AOX1: variants seen among roughly 807,000 people sequenced by gnomAD.
AOX1 encodes the protein aldehyde oxidase.
A neutral mutation model predicts 169.5 loss-of-function variants in AOX1; 153 were observed. The observed-to-expected ratio is 0.90, with a 90% confidence interval of 0.79 to 1.03. The LOEUF (loss-of-function observed/expected upper bound fraction) is 1.03. Ranked by LOEUF, AOX1 falls within the 50% of genes least tolerant of loss-of-function variation. AOX1 has a pLI of 0.00. For synonymous variants in AOX1, 562 were observed against 581.9 expected (o/e 0.97, Z 0.49); for missense variants, 1,656 against 1,663.9 (o/e 1.00, Z 0.08).
At chr2:200,645,980 G>A (rs759163628) in intron 25 of AOX1, among the ~76,000 whole-genome samples, 1 of 151,996 alleles carries the variant, frequency 6.6e-6, no homozygotes, top group African/African-American at 2.4e-5. Context: ...TCTTCCTAAC[G>A]GTCTATCAAT....
chr2:200,654,485 A>G lies in AOX1; in HGVS notation c.3076-2357A>G, dbSNP rs559348561. Among the ~76,000 whole-genome samples, 4 of 152,356 alleles carry G rather than the reference A, an allele frequency of 2.6e-5. No individual in the cohort carries two copies. The South Asian group carries it at 6.2e-4, about 24-fold the overall frequency. ...TAAACACTTGTATGCACTGGGAAAC[A>G]ACGAAAATTGTGTGATTTGCTTTAT... On this transcript the variant is annotated intron_variant, in intron 26 of 34. Coordinates refer to ENST00000374700, the MANE Select transcript of AOX1 (RefSeq NM_001159.4).
chr2:200,605,506 A>G, intron 9 of AOX1, 30 bp from the exon 10 acceptor site: 1 of 1,085,530 alleles, frequency 9.2e-7, no homozygotes, highest in Non-Finnish European at 1.3e-6. Flanking sequence ...TTCTAGTCTT[A>G]TTGATTTTTT....
intron 17 of AOX1, 26 bp from the exon 18 acceptor site, chr2:200,621,094 G>A (rs777930286): frequency 2.6e-5 from 42 of 1,597,730 alleles, no homozygotes; most frequent in Non-Finnish European, 3.4e-5. Context: ...GCCACTCTAA[G>A]GAGCTCTGCT....
downstream of AOX1, among the ~76,000 whole-genome samples, chr2:200,674,480 A>G (rs1452010021): frequency 6.6e-6 from 1 of 152,232 alleles, no homozygotes; most frequent in Non-Finnish European, 1.5e-5. Flanking sequence ...ATGAATGGGC[A>G]TATGGAAGTG....
chr2:200,603,318 G>A lies in AOX1; in HGVS notation c.550G>A (p.Gly184Arg). The stretch of plus-strand genomic sequence containing the variant: ...AAATGGGGTTTGCTGTTTGGATCAA[G>A]GAATCAATGGATTGCCAGAATTTGA... ...KENGVCCLDQ[G>R]INGLPEFEEG... The change falls in exon 7 of 35, where the codon GGA becomes AGA. Residue 184 changes from glycine (G) to arginine (R), a missense_variant. Gly to Arg is a moderately radical substitution (Grantham distance 125). Coordinates refer to ENST00000374700, the MANE Select transcript of AOX1 (RefSeq NM_001159.4). 6.2e-7 allele frequency: 1 copy of A among 1,613,952 alleles called. No individual in the cohort carries two copies. The highest frequency in any genetic ancestry group is 8.5e-7 in the Non-Finnish European group (1 of 1,179,924).
intron 20 of AOX1, among the ~76,000 whole-genome samples, chr2:200,633,531 C>G (rs1483150060): frequency 2.0e-5 from 3 of 151,990 alleles, no homozygotes; most frequent in Non-Finnish European, 4.4e-5. Flanking sequence ...TTTCTTAATT[C>G]TAAAATTTCT....
intron 16 of AOX1, among the ~76,000 whole-genome samples, chr2:200,620,216 T>TTTTTA (rs1320730493): frequency 6.6e-6 from 1 of 151,144 alleles, no homozygotes; most frequent in Admixed American, 6.6e-5. Flanking sequence ...TTTTTTTTTT[T>TTTTTA]TTGATGGCGT....
At chr2:200,624,863 A>C (rs996252849) in intron 19 of AOX1, among the ~76,000 whole-genome samples, 1 of 152,180 alleles carries the variant, frequency 6.6e-6, no homozygotes. Flanking sequence ...GACTCAGTCC[A>C]TACAGGCCGC....
At chr2:200,651,728 A>C (rs533820575) in intron 26 of AOX1, among the ~76,000 whole-genome samples, 1 of 152,342 alleles carries the variant, frequency 6.6e-6, no homozygotes, top group African/African-American at 2.4e-5. Context: ...TGTACCTTTT[A>C]AAACTGTGAA....
intron 18 of AOX1, among the ~76,000 whole-genome samples, chr2:200,623,112 T>C (rs2034920533): frequency 6.6e-6 from 1 of 152,224 alleles, no homozygotes; most frequent in South Asian, 2.1e-4. Context: ...AAATGAGTGA[T>C]TACATTGAAA....
At position 200,615,976 on chromosome 2, in the gene AOX1, A is replaced by C. The variant is rs780578377; in HGVS notation, c.1617A>C (p.Pro539=). Residue 539 remains proline, a synonymous_variant, in exon 16 of 35, where the codon CCA becomes CCC. Coordinates refer to ENST00000374700, the MANE Select transcript of AOX1 (RefSeq NM_001159.4). ...EVSQILKKMD[P]VHYPSLADKY... ...GCAATGGTTCTACTTTTCAGGATCC[A>C]GTTCACTATCCTAGCCTTGCAGACA... 2.0e-5 allele frequency: 33 copies of C among 1,612,046 alleles called. No individual in the cohort carries two copies. The highest frequency in any genetic ancestry group is 2.8e-5 in the Non-Finnish European group (33 of 1,178,220).
At chr2:200,635,047 G>A (rs1025003315) in intron 21 of AOX1, 132 bp downstream of exon 21, 32 of 1,063,600 alleles carry the variant, frequency 3.0e-5, no homozygotes, top group Non-Finnish European at 4.1e-5. Context: ...AGGAGCTCAA[G>A]GCTTCAGTGA....
intron 24 of AOX1, among the ~76,000 whole-genome samples, 181 bp downstream of exon 24, chr2:200,641,365 G>T (rs989129256): frequency 1.3e-5 from 2 of 152,148 alleles, no homozygotes; most frequent in Non-Finnish European, 2.9e-5. Flanking sequence ...TGCTGGCTAA[G>T]TTGCATCTGT....
At chr2:200,631,916 AT>A (rs1179104876) in intron 20 of AOX1, among the ~76,000 whole-genome samples, 6 of 152,160 alleles carry the variant, frequency 3.9e-5, no homozygotes, top group Non-Finnish European at 7.4e-5. Flanking sequence ...AGCTTGTGAA[AT>A]TTTAATGTTT....
downstream of AOX1, among the ~76,000 whole-genome samples, chr2:200,675,063 G>A (rs772439457): frequency 4.6e-5 from 7 of 152,292 alleles, no homozygotes; most frequent in Non-Finnish European, 8.8e-5. Context: ...CACATCAGAC[G>A]CTATCCTGCT....
Position 200,670,894 on chromosome 2 carries a change from A to G in AOX1, c.*215A>G, listed in dbSNP as rs1157395809. Reference sequence around the variant, plus strand: ...CTATAAATCATTTTCAATGTTATAAACACTAATTGGTTTCCTCTAGGGTGA... The same window carrying G: ...CTATAAATCATTTTCAATGTTATAAGCACTAATTGGTTTCCTCTAGGGTGA... On this transcript the variant is annotated 3_prime_UTR_variant, in exon 35 of 35. Coordinates refer to ENST00000374700, the MANE Select transcript of AOX1 (RefSeq NM_001159.4). 6.1e-6 allele frequency: 3 copies of G among 489,220 alleles called. No homozygotes were observed. Among genetic ancestry groups the G allele is most frequent in the Non-Finnish European group, 1.1e-5 (3 of 275,436 alleles). 30.3% of individuals were successfully genotyped at this position (489,220 alleles called of 1,614,324 possible).
intron 20 of AOX1, among the ~76,000 whole-genome samples, chr2:200,627,965 C>G (rs1041265929): frequency 3.9e-5 from 6 of 152,140 alleles, no homozygotes; most frequent in Non-Finnish European, 8.8e-5. Flanking sequence ...TTCCCTTCCT[C>G]TTCCCTTCCC....
downstream of AOX1, among the ~76,000 whole-genome samples, chr2:200,677,854 C>T (rs141306118): frequency 2.7e-4 from 41 of 152,230 alleles, no homozygotes; most frequent in Middle Eastern, 3.4e-3. Context: ...AAGTTGAAAC[C>T]GAGCATACCC....
At chr2:200,595,453 A>C in intron 3 of AOX1, 85 bp downstream of exon 3, 2 of 900,224 alleles carry the variant, frequency 2.2e-6, no homozygotes, top group South Asian at 3.5e-5. Flanking sequence ...ATATATATTG[A>C]GTACCTACCA....
Sources: gnomAD v4.1 joint callset for allele counts (sites outside exome capture counted in the v4.1 genomes callset) on GRCh38, gnomAD v4.1.1 for gene constraint, MANE v1.5 for transcripts, NCBI Gene and HGNC (gene_info 2026-07-23, HGNC 2026-07-21) for gene names.